IMMP2L: variants seen among roughly 807,000 people sequenced by gnomAD.
IMMP2L encodes the protein mitochondrial inner membrane protease subunit 2.
IMMP2L carries 18 observed loss-of-function variants against 19.3 expected under a neutral mutation model. The ratio of observed to expected loss-of-function variants is 0.93; its 90% CI spans 0.64 to 1.38. The LOEUF (loss-of-function observed/expected upper bound fraction) is 1.38, where lower values mean the gene tolerates loss of function less well. IMMP2L is among the 40% of genes most tolerant of loss of function. IMMP2L has a pLI of 0.00. For missense variants in IMMP2L, 233 were observed against 218.2 expected, an observed-to-expected ratio of 1.07 and a Z score of -0.43; for synonymous variants, 76 against 73.0, an observed-to-expected ratio of 1.04 and a Z score of -0.21.
intron 5 of IMMP2L, among the ~76,000 whole-genome samples, chr7:110,680,093 G>T (rs921007381): frequency 6.6e-6 from 1 of 152,096 alleles, no homozygotes; most frequent in Non-Finnish European, 1.5e-5. Context: ...TGGCAATTTG[G>T]TGAATATTAT....
chr7:111,526,254 AC>A (rs1318611601), intron 1 of IMMP2L, among the ~76,000 whole-genome samples: 2 of 152,160 alleles, frequency 1.3e-5, no homozygotes, highest in Non-Finnish European at 2.9e-5. Flanking sequence ...ACTAAACAAT[AC>A]CTTACATTTC....
chr7:111,243,113 AGAG>A (rs1216363427), intron 3 of IMMP2L, among the ~76,000 whole-genome samples: 1 of 152,172 alleles, frequency 6.6e-6, no homozygotes, highest in Admixed American at 6.6e-5. Context: ...TGCCAACTAA[AGAG>A]TAGTTGTTTT....
At chr7:111,355,949 A>G (rs1828656563) in intron 3 of IMMP2L, among the ~76,000 whole-genome samples, 2 of 152,052 alleles carry the variant, frequency 1.3e-5, no homozygotes, top group Non-Finnish European at 2.9e-5. Context: ...ATTTGCTTTC[A>G]TGAGTATATG....
intron 3 of IMMP2L, among the ~76,000 whole-genome samples, chr7:111,468,214 G>C (rs866975071): frequency 6.6e-6 from 1 of 151,976 alleles, no homozygotes; most frequent in African/African-American, 2.4e-5. Context: ...TGCTATATTA[G>C]TTTCCAAGTA....
intron 3 of IMMP2L, among the ~76,000 whole-genome samples, chr7:111,343,083 A>T (rs989613067): frequency 6.6e-6 from 1 of 152,138 alleles, no homozygotes; most frequent in Non-Finnish European, 1.5e-5. Context: ...ACTACCTATT[A>T]TGCATACTAG....
At chr7:110,896,391 C>A (rs1811323533) in intron 4 of IMMP2L, among the ~76,000 whole-genome samples, 1 of 152,038 alleles carries the variant, frequency 6.6e-6, no homozygotes. Flanking sequence ...AATAGTGAAT[C>A]ATATCATTAT....
At position 111,121,337 on chromosome 7, in the gene IMMP2L, C is replaced by T. The variant is rs562646605; in HGVS notation, c.240-157772G>A. Among the ~76,000 whole-genome samples the T allele has an allele frequency of 1.1e-4, 17 of 152,228 alleles. No individual in the cohort carries two copies. In the South Asian group the frequency reaches 3.3e-3, roughly 30 times the overall value. ...TTCGCTCTGATGGTAGTTTCTTTTGCTGTGCAGAAGCTCTTTAGTTTAATT... is the reference window on the plus strand; with the variant it reads ...TTCGCTCTGATGGTAGTTTCTTTTGTTGTGCAGAAGCTCTTTAGTTTAATT... On this transcript the variant is annotated intron_variant, in intron 3 of 5. Coordinates refer to ENST00000405709, the MANE Select transcript of IMMP2L (RefSeq NM_032549.4).
intron 3 of IMMP2L, among the ~76,000 whole-genome samples, chr7:111,084,497 GACT>G (rs1165817911): frequency 6.6e-6 from 1 of 152,088 alleles, no homozygotes; most frequent in Non-Finnish European, 1.5e-5. Context: ...CGGATAAAGA[GACT>G]GATTAATTTT....
chr7:110,995,847 T>G (rs576632598), intron 3 of IMMP2L, among the ~76,000 whole-genome samples: 1 of 152,278 alleles, frequency 6.6e-6, no homozygotes, highest in East Asian at 1.9e-4. Context: ...GTAATCCACC[T>G]GGGACACTAG....
intron 3 of IMMP2L, among the ~76,000 whole-genome samples, chr7:111,145,460 C>T (rs946724947): frequency 6.6e-6 from 1 of 151,978 alleles, no homozygotes; most frequent in Non-Finnish European, 1.5e-5. Flanking sequence ...TTATCGGAGA[C>T]CAAACAAAAG....
intron 3 of IMMP2L, among the ~76,000 whole-genome samples, chr7:111,221,290 T>C (rs1052553910): frequency 6.6e-6 from 1 of 152,090 alleles, no homozygotes; most frequent in Non-Finnish European, 1.5e-5. Flanking sequence ...CTAGAGATAA[T>C]AGTCAATATC....
intron 3 of IMMP2L, among the ~76,000 whole-genome samples, chr7:111,182,595 A>C (rs910735373): frequency 2.6e-5 from 4 of 151,914 alleles, no homozygotes; most frequent in African/African-American, 9.7e-5. Flanking sequence ...AGAGAGTACA[A>C]AGTACCCACC....
chr7:110,932,641 AATGGTCCCAGCTC>A (rs1263583186), intron 4 of IMMP2L, among the ~76,000 whole-genome samples: 3 of 152,234 alleles, frequency 2.0e-5, no homozygotes, highest in African/African-American at 7.2e-5. Flanking sequence ...GGCGTGAGCC[AATGGTCCCAGCTC>A]AAGAATGCAG....
rs1525675 is a variant in IMMP2L at position 110,662,790 on chromosome 7, T to C, written c.*812A>G. Among the ~76,000 whole-genome samples the C allele has an allele frequency of 0.36, 54,504 of 152,072 alleles. 10,459 individuals carry two copies. Among genetic ancestry groups the C allele is most frequent in the African/African-American group, 0.49 (20,231 of 41,470 alleles). Reference sequence around the variant, plus strand: ...AAAATCAAACGTGGCTGATCTGGACTGTTTTTTCTTCTATTTCACTCAGAA... The same window carrying C: ...AAAATCAAACGTGGCTGATCTGGACCGTTTTTTCTTCTATTTCACTCAGAA... On this transcript the variant is annotated 3_prime_UTR_variant, in exon 6 of 6. Coordinates refer to ENST00000405709, the MANE Select transcript of IMMP2L (RefSeq NM_032549.4).
At chr7:110,847,926 G>A (rs1349538624) in intron 5 of IMMP2L, among the ~76,000 whole-genome samples, 1 of 151,968 alleles carries the variant, frequency 6.6e-6, no homozygotes, top group Non-Finnish European at 1.5e-5. Flanking sequence ...ATCAATCATA[G>A]ACCTAAATGT....
intron 5 of IMMP2L, among the ~76,000 whole-genome samples, chr7:110,845,768 T>C (rs1489422207): frequency 6.6e-6 from 1 of 150,796 alleles, no homozygotes; most frequent in Non-Finnish European, 1.5e-5. Flanking sequence ...ATTCATATGA[T>C]GAAGCTTAAG....
At chr7:111,362,906 C>T (rs1415382968) in intron 3 of IMMP2L, among the ~76,000 whole-genome samples, 2 of 152,048 alleles carry the variant, frequency 1.3e-5, no homozygotes, top group East Asian at 3.9e-4. Context: ...GGAAAAGCTG[C>T]TTTCACTGTC....
Position 110,663,591 on chromosome 7 carries a change from G to A in IMMP2L, c.*11C>T. 2 of 1,613,098 alleles carry A rather than the reference G, an allele frequency of 1.2e-6. No homozygotes were observed. The highest frequency in any genetic ancestry group is 3.3e-5 in the Admixed American group (2 of 59,960). On this transcript the variant is annotated 3_prime_UTR_variant, in exon 6 of 6. Transcript: ENST00000405709. ...CCTCCCAATGCCAGCAACTCAGGTAGATTCATGCAGTCATTCCTCTTCTCT... is the reference window on the plus strand; with the variant it reads ...CCTCCCAATGCCAGCAACTCAGGTAAATTCATGCAGTCATTCCTCTTCTCT...
chr7:111,065,132 G>A (rs1165946301), intron 3 of IMMP2L, among the ~76,000 whole-genome samples: 3 of 152,184 alleles, frequency 2.0e-5, no homozygotes, highest in Non-Finnish European at 4.4e-5. Context: ...TAATTATCAT[G>A]AGTATTTCCT....
Sources: gnomAD v4.1 joint callset for allele counts (sites outside exome capture counted in the v4.1 genomes callset) on GRCh38, gnomAD v4.1.1 for gene constraint, MANE v1.5 for transcripts, NCBI Gene and HGNC (gene_info 2026-07-23, HGNC 2026-07-21) for gene names.